Variants in ROBO1 observed in about 807,000 individuals in gnomAD.
The protein encoded by ROBO1 is roundabout homolog 1.
ROBO1 carries 149 observed loss-of-function variants against 195.9 expected under a neutral mutation model. That is an observed-to-expected ratio of 0.76 (90% CI 0.67 to 0.87). The LOEUF (loss-of-function observed/expected upper bound fraction) is 0.87, where lower values mean the gene tolerates loss of function less well. ROBO1 is among the 40% of genes least tolerant of loss of function. The pLI is 0.00. For synonymous variants in ROBO1, 816 were observed against 733.2 expected (o/e 1.11, Z -1.82); for missense variants, 1,933 against 2,068.3 (o/e 0.93, Z 1.27).
intron 2 of ROBO1, among the ~76,000 whole-genome samples, chr3:79,295,137 A>G (rs2109040737): frequency 6.6e-6 from 1 of 152,292 alleles, no homozygotes; most frequent in East Asian, 1.9e-4. Context: ...TACTATAAAG[A>G]CACATGCATA....
At chr3:78,759,400 A>AAG (rs151169927) in intron 4 of ROBO1, 1 of 149,350 alleles carries the variant, frequency 6.7e-6, no homozygotes, top group African/African-American at 2.5e-5. Flanking sequence ...AAAAAAAAAA[A>AAG]GCGAACGAGA....
intron 3 of ROBO1, among the ~76,000 whole-genome samples, chr3:79,073,950 T>A (rs2079129486): frequency 6.6e-6 from 1 of 151,200 alleles, no homozygotes; most frequent in Non-Finnish European, 1.5e-5. Flanking sequence ...ACATGAAAGA[T>A]AATGCTAATA....
chr3:79,075,579 G>T (rs2079158594), intron 3 of ROBO1, among the ~76,000 whole-genome samples: 1 of 151,966 alleles, frequency 6.6e-6, no homozygotes, highest in Non-Finnish European at 1.5e-5. Flanking sequence ...GGATTTTATA[G>T]TGGCACCAAG....
intron 4 of ROBO1, among the ~76,000 whole-genome samples, chr3:78,927,609 G>T (rs1200890247): frequency 6.6e-6 from 1 of 152,032 alleles, no homozygotes; most frequent in African/African-American, 2.4e-5. Flanking sequence ...TTTTTTAACT[G>T]CCAAAATAAT....
At chr3:79,229,053 A>T (rs953365737) in intron 2 of ROBO1, among the ~76,000 whole-genome samples, 1 of 152,190 alleles carries the variant, frequency 6.6e-6, no homozygotes, top group Non-Finnish European at 1.5e-5. Flanking sequence ...GCAAATCACC[A>T]TAAGAAAAAT....
At chr3:79,257,481 A>T (rs542968009) in intron 2 of ROBO1, among the ~76,000 whole-genome samples, 1 of 152,142 alleles carries the variant, frequency 6.6e-6, no homozygotes, top group African/African-American at 2.4e-5. Flanking sequence ...GTCCACAGTG[A>T]ATCTTCGGTT....
Position 78,714,508 on chromosome 3 carries a change from C to A in ROBO1, c.934G>T (p.Asp312Tyr), listed in dbSNP as rs1488108313. Reference protein sequence around the residue: ...LPKSRYEIRDDHTLKIRKVTA... With the variant: ...LPKSRYEIRDYHTLKIRKVTA... ...ACCTTCCTAATTTTCAAGGTATGAT[C>A]ATCTCGGATTTCATATCTAATGACA... Residue 312 changes from aspartate to tyrosine, a missense_variant, in exon 8 of 31, where the codon GAT (aspartate) becomes TAT (tyrosine). Around this residue, in one of 3 missense-constraint regions of ROBO1, gnomAD observed 1,737 missense variants for 1,882.5 expected, o/e 0.92. Coordinates refer to ENST00000464233, the MANE Select transcript of ROBO1 (RefSeq NM_002941.4). The A allele has an allele frequency of 6.2e-7, 1 of 1,611,124 alleles. No homozygotes were observed. Among genetic ancestry groups the A allele is most frequent in the Non-Finnish European group, 8.5e-7 (1 of 1,178,728 alleles).
chr3:79,220,895 C>T (rs1400902746), intron 2 of ROBO1, among the ~76,000 whole-genome samples: 1 of 152,008 alleles, frequency 6.6e-6, no homozygotes, highest in Non-Finnish European at 1.5e-5. Context: ...GTAGTAGGGG[C>T]ATGGCTGTAC....
intron 2 of ROBO1, among the ~76,000 whole-genome samples, chr3:79,282,294 A>T (rs2031573389): frequency 6.6e-6 from 1 of 152,200 alleles, no homozygotes; most frequent in African/African-American, 2.4e-5. Context: ...GAAGTGTATG[A>T]GCACCAAAAA....
chr3:79,757,039 C>CG (rs1704445200), intron 1 of ROBO1, among the ~76,000 whole-genome samples: 5 of 151,916 alleles, frequency 3.3e-5, no homozygotes, highest in Non-Finnish European at 5.9e-5. Context: ...CATAATAGAT[C>CG]ATTGTTTGTT....
At chr3:78,852,580 T>C (rs929656698) in intron 4 of ROBO1, among the ~76,000 whole-genome samples, 1 of 152,174 alleles carries the variant, frequency 6.6e-6, no homozygotes, top group Non-Finnish European at 1.5e-5. Flanking sequence ...GTTTAATCCT[T>C]TGTCCTCAAT....
intron 2 of ROBO1, among the ~76,000 whole-genome samples, chr3:79,519,628 C>CA (rs71631657): frequency 0.059 from 3,838 of 64,580 alleles, 371 homozygotes; most frequent in East Asian, 0.075. Flanking sequence ...GACTCCTGCT[C>CA]AAAAAAAAAA....
At chr3:79,159,408 T>C (rs1014895507) in intron 2 of ROBO1, among the ~76,000 whole-genome samples, 3 of 152,028 alleles carry the variant, frequency 2.0e-5, no homozygotes, top group Admixed American at 2.0e-4. Context: ...CAAATCTTCA[T>C]TAAATCTTTA....
chr3:79,609,459 G>A (rs1231965358), intron 1 of ROBO1, among the ~76,000 whole-genome samples: 1 of 151,858 alleles, frequency 6.6e-6, no homozygotes, highest in African/African-American at 2.4e-5. Context: ...CCTTAAAATA[G>A]TTAAGATAGA....
At chr3:79,057,022 A>C (rs754098164) in intron 3 of ROBO1, among the ~76,000 whole-genome samples, 33 of 152,076 alleles carry the variant, frequency 2.2e-4, no homozygotes, top group Admixed American at 1.0e-3. Flanking sequence ...TGGCAAATTC[A>C]CTTGGCTGAT....
At chr3:79,368,292 A>C (rs959904040) in intron 2 of ROBO1, among the ~76,000 whole-genome samples, 2 of 152,176 alleles carry the variant, frequency 1.3e-5, no homozygotes, top group African/African-American at 4.8e-5. Flanking sequence ...TGATAAATTC[A>C]TTCATGCTAG....
intron 1 of ROBO1, among the ~76,000 whole-genome samples, chr3:79,751,856 G>A (rs1175427241): frequency 6.6e-6 from 1 of 152,088 alleles, no homozygotes. Flanking sequence ...CCAGAAGACA[G>A]GTGCACAGTC....
At chr3:79,412,929 C>T (rs575182341) in intron 2 of ROBO1, among the ~76,000 whole-genome samples, 37 of 87,558 alleles carry the variant, frequency 4.2e-4, no homozygotes, top group Admixed American at 1.0e-3. Context: ...GAATTATCTG[C>T]TTTACAATGA....
intron 1 of ROBO1, among the ~76,000 whole-genome samples, chr3:79,752,223 G>A (rs1704158510): frequency 6.6e-6 from 1 of 152,124 alleles, no homozygotes. Flanking sequence ...AAAGAAGAGA[G>A]AGGAAGAGTA....
Sources: allele counts gnomAD v4.1 joint callset (sites outside exome capture counted in the v4.1 genomes callset), GRCh38; gene constraint gnomAD v4.1.1; regional missense constraint gnomAD v4.1.1; transcripts MANE v1.5; gene names NCBI Gene and HGNC (gene_info 2026-07-23, HGNC 2026-07-21).